STON2: variants seen among roughly 807,000 people sequenced by gnomAD.
The protein encoded by STON2 is stonin 2.
Under a neutral mutation model 65.7 loss-of-function variants are expected in STON2, and 29 were observed. That is an observed-to-expected ratio of 0.44 (90% CI 0.33 to 0.60). The LOEUF (loss-of-function observed/expected upper bound fraction) is 0.60, where lower values mean the gene tolerates loss of function less well. Ranked by LOEUF, STON2 falls within the 20% of genes least tolerant of loss-of-function variation. The pLI, the probability that STON2 is intolerant of heterozygous loss-of-function variation, is 0.03. For synonymous variants in STON2, 404 were observed against 414.2 expected (o/e 0.98, Z 0.30); for missense variants, 1,054 against 1,118.1 (o/e 0.94, Z 0.82).
At chr14:81,414,533 G>C (rs942897528) in intron 2 of STON2, among the ~76,000 whole-genome samples, 1 of 152,026 alleles carries the variant, frequency 6.6e-6, no homozygotes, top group African/African-American at 2.4e-5. Context: ...ATGAGTTAGA[G>C]GTCCTGGACC....
chr14:81,411,247 T>C (rs1901143784), intron 2 of STON2, among the ~76,000 whole-genome samples: 1 of 152,166 alleles, frequency 6.6e-6, no homozygotes, highest in Admixed American at 6.5e-5. Context: ...ATGTTAACAT[T>C]TTAGAATGTT....
In STON2 at chr14:81,263,906, T is replaced by C; in HGVS notation, c.*4508A>G. The C allele has an allele frequency of 4.1e-6, 4 of 985,452 alleles. No individual in the cohort carries two copies. Among genetic ancestry groups the C allele is most frequent in the Non-Finnish European group, 4.8e-6 (4 of 829,934 alleles). 61.0% of individuals were successfully genotyped at this position (985,452 alleles called of 1,614,324 possible). On this transcript the variant is annotated 3_prime_UTR_variant, in exon 8 of 8. Coordinates refer to ENST00000614646, the MANE Select transcript of STON2 (RefSeq NM_001394390.1). Reference sequence around the variant, plus strand: ...GGTGAAATATATATCACCTCTGAAATCATGACTTTATCTCACAAATTTTGA... The same window carrying C: ...GGTGAAATATATATCACCTCTGAAACCATGACTTTATCTCACAAATTTTGA...
intron 5 of STON2, among the ~76,000 whole-genome samples, chr14:81,289,487 G>T (rs1334889393): frequency 1.3e-5 from 2 of 152,158 alleles, no homozygotes; most frequent in South Asian, 2.1e-4. Flanking sequence ...GAGCCCCAGG[G>T]GAGAATAGCT....
intron 1 of STON2, among the ~76,000 whole-genome samples, chr14:81,431,971 T>C (rs1902244476): frequency 6.6e-6 from 1 of 152,086 alleles, no homozygotes; most frequent in Admixed American, 6.6e-5. Flanking sequence ...ATATAGAATT[T>C]CTAGAATTTT....
chr14:81,355,906 G>A (rs908866983), intron 4 of STON2, among the ~76,000 whole-genome samples: 2 of 151,866 alleles, frequency 1.3e-5, no homozygotes, highest in Non-Finnish European at 2.9e-5. Context: ...GGAGATTTTG[G>A]GCTGAGACAA....
chr14:81,293,929 A>T (rs1844310236), intron 5 of STON2, among the ~76,000 whole-genome samples: 1 of 152,102 alleles, frequency 6.6e-6, no homozygotes, highest in African/African-American at 2.4e-5. Context: ...TCAGCTACTA[A>T]ATTTTGAGGT....
chr14:81,365,452 T>A (rs1898677235), intron 4 of STON2, among the ~76,000 whole-genome samples: 1 of 152,192 alleles, frequency 6.6e-6, no homozygotes, highest in African/African-American at 2.4e-5. Context: ...TCTACACTTT[T>A]CTTATGCATA....
At chr14:81,331,522 A>G (rs1288419129) in intron 4 of STON2, among the ~76,000 whole-genome samples, 1 of 152,140 alleles carries the variant, frequency 6.6e-6, no homozygotes, top group Non-Finnish European at 1.5e-5. Flanking sequence ...CAGAGCCACA[A>G]ACTAGTATCA....
intron 5 of STON2, among the ~76,000 whole-genome samples, chr14:81,300,297 G>A (rs1214835466): frequency 6.6e-6 from 1 of 151,046 alleles, no homozygotes; most frequent in South Asian, 2.1e-4. Context: ...AATCTGAAAG[G>A]GATCACAGAT....
At chr14:81,360,095 G>T (rs1898423500) in intron 4 of STON2, among the ~76,000 whole-genome samples, 1 of 152,124 alleles carries the variant, frequency 6.6e-6, no homozygotes, top group African/African-American at 2.4e-5. Context: ...TGTCTTAAAA[G>T]AAATGTTTTT....
At chr14:81,389,777 T>C (rs1899990651) in intron 3 of STON2, among the ~76,000 whole-genome samples, 1 of 152,220 alleles carries the variant, frequency 6.6e-6, no homozygotes, top group Non-Finnish European at 1.5e-5. Flanking sequence ...GGAAGTTGCT[T>C]TAAATTCTGA....
At chr14:81,312,220 G>C (rs1896451772) in intron 5 of STON2, among the ~76,000 whole-genome samples, 1 of 152,176 alleles carries the variant, frequency 6.6e-6, no homozygotes, top group Non-Finnish European at 1.5e-5. Flanking sequence ...AACTGGACCA[G>C]GCAAGCATAA....
chr14:81,435,975 C>G (rs913782429), intron 1 of STON2: 7 of 152,272 alleles, frequency 4.6e-5, no homozygotes, highest in African/African-American at 1.7e-4. Flanking sequence ...GTCGCCTCCC[C>G]ACTCGGGCCG....
At chr14:81,357,701 C>T (rs1306937364) in intron 4 of STON2, among the ~76,000 whole-genome samples, 18 of 152,130 alleles carry the variant, frequency 1.2e-4, no homozygotes, top group East Asian at 3.9e-4. Context: ...TGGAATACTA[C>T]GCAGCCATAA....
intron 4 of STON2, among the ~76,000 whole-genome samples, chr14:81,356,857 C>A (rs1241608012): frequency 1.3e-5 from 2 of 151,862 alleles, no homozygotes; most frequent in Admixed American, 6.6e-5. Context: ...TAGTGATATC[C>A]CCTTTATCAT....
Position 81,264,707 on chromosome 14 carries a change from A to T in STON2, c.*3707T>A, listed in dbSNP as rs575921735. ...TTCTCAAGGATTATGAACCCTGCCA[A>T]TAATGCAGGAAGGCACAGTAAGGGA... On this transcript the variant is annotated 3_prime_UTR_variant, in exon 8 of 8. Transcript: ENST00000614646. 5.1e-6 allele frequency: 5 copies of T among 985,298 alleles called. No homozygotes were observed. Among genetic ancestry groups the T allele is most frequent in the Non-Finnish European group, 6.0e-6 (5 of 829,898 alleles). The allele number at this position is 985,298 out of a possible 1,614,324, so 61.0% of individuals were successfully genotyped here.
intron 4 of STON2, among the ~76,000 whole-genome samples, chr14:81,370,074 T>C (rs1479178008): frequency 6.6e-6 from 1 of 152,192 alleles, no homozygotes; most frequent in African/African-American, 2.4e-5. Context: ...AAATCCTGCC[T>C]GAAGCCTTCA....
At position 81,278,069 on chromosome 14, in the gene STON2, A is replaced by G. The variant is rs776400718; in HGVS notation, c.1413T>C (p.Ala471=). The stretch of plus-strand genomic sequence containing the variant: ...GGGACCGTGCTGATCCAGGCGGGTG[A>G]GCATCTAGTTCAATCCAGGCTACTG... ...DDPVAWIELD[A]HPPGSARSQP... is the part of the protein sequence containing the mutation. Residue 471 remains alanine (A), a synonymous_variant, in exon 6 of 8, where the codon GCT becomes GCC. Coordinates refer to ENST00000614646, the MANE Select transcript of STON2 (RefSeq NM_001394390.1). The G allele has an allele frequency of 1.9e-6, 3 of 1,614,042 alleles. No individual in the cohort carries two copies. Among genetic ancestry groups the G allele is most frequent in the African/African-American group, 1.3e-5 (1 of 74,924 alleles).
At chr14:81,272,931 T>C (rs561246292) in intron 6 of STON2, among the ~76,000 whole-genome samples, 2 of 152,364 alleles carry the variant, frequency 1.3e-5, no homozygotes, top group South Asian at 2.1e-4. Context: ...ACACAGCCGT[T>C]AAGTGGTAGA....
Sources: gnomAD v4.1 joint callset for allele counts (sites outside exome capture counted in the v4.1 genomes callset) on GRCh38, gnomAD v4.1.1 for gene constraint, MANE v1.5 for transcripts, NCBI Gene and HGNC (gene_info 2026-07-23, HGNC 2026-07-21) for gene names.